NALCN: variants seen among roughly 807,000 people sequenced by gnomAD.
The protein encoded by NALCN is sodium leak channel, non-selective.
A neutral mutation model predicts 225.3 loss-of-function variants in NALCN; 111 were observed. That is an observed-to-expected ratio of 0.49 (90% CI 0.42 to 0.58). NALCN has a LOEUF of 0.58. Ranked by LOEUF, NALCN falls within the 20% of genes least tolerant of loss-of-function variation. The pLI, the probability that NALCN is intolerant of heterozygous loss-of-function variation, is 0.00. For missense variants in NALCN, 1,378 were observed against 2,202.4 expected (o/e 0.63, Z 7.49); for synonymous variants, 764 against 769.0 (o/e 0.99, Z 0.11).
At chr13:101,205,025 T>C (rs1040982599) in intron 13 of NALCN, among the ~76,000 whole-genome samples, 3 of 152,066 alleles carry the variant, frequency 2.0e-5, no homozygotes, top group South Asian at 2.1e-4. Flanking sequence ...AGGTAGCAAA[T>C]GGTGTTGCTC....
chr13:101,319,829 TA>T (rs34232450), intron 7 of NALCN, among the ~76,000 whole-genome samples: 62,019 of 151,992 alleles, frequency 0.41, 12,988 homozygotes, highest in Middle Eastern at 0.47. Flanking sequence ...TACTTTTATA[TA>T]AAGTTGATAA....
chr13:101,058,089 T>A, intron 42 of NALCN, 33 bp from the exon 43 acceptor site: 1 of 1,570,874 alleles, frequency 6.4e-7, no homozygotes, highest in Non-Finnish European at 8.7e-7. Context: ...AGTTACCGTC[T>A]TTTTAACCCT....
intron 14 of NALCN, among the ~76,000 whole-genome samples, chr13:101,185,955 CAT>C (rs1389674755): frequency 6.6e-6 from 1 of 152,110 alleles, no homozygotes; most frequent in African/African-American, 2.4e-5. Flanking sequence ...TAAAAGGAAA[CAT>C]ACAATTAAAC....
chr13:101,201,023 T>G (rs1269154507), intron 13 of NALCN, among the ~76,000 whole-genome samples: 1 of 152,194 alleles, frequency 6.6e-6, no homozygotes, highest in Non-Finnish European at 1.5e-5. Flanking sequence ...GTACCATCCC[T>G]TTGCTATATC....
At chr13:101,177,409 GTATATA>G (rs10624930) in intron 14 of NALCN, among the ~76,000 whole-genome samples, 9 of 124,364 alleles carry the variant, frequency 7.2e-5, no homozygotes, top group African/African-American at 1.1e-4. Context: ...GTAAATACGA[GTATATA>G]TATATATATA....
rs568326857 is a variant in NALCN, at chr13:101,296,619, C to T, written c.800-4253G>A. Among the ~76,000 whole-genome samples, 35 of 152,240 alleles carry T rather than the reference C, an allele frequency of 2.3e-4. 1 individual carries two copies. The South Asian group carries it at 3.5e-3, about 15-fold the overall frequency. ...TATAGAACTAAAATTTCTGGCTAAA[C>T]GACCATATTTTTGTTAAATGAAAAA... On this transcript the variant is annotated intron_variant, in intron 7 of 43. Coordinates refer to ENST00000251127, the MANE Select transcript of NALCN (RefSeq NM_052867.4).
At chr13:101,294,808 T>TA (rs2043682490) in intron 7 of NALCN, among the ~76,000 whole-genome samples, 1 of 152,170 alleles carries the variant, frequency 6.6e-6, no homozygotes, top group East Asian at 1.9e-4. Context: ...GAATTTACAA[T>TA]ATTGTGTGCA....
intron 18 of NALCN, among the ~76,000 whole-genome samples, chr13:101,115,406 G>A (rs2035659053): frequency 6.6e-6 from 1 of 152,168 alleles, no homozygotes; most frequent in African/African-American, 2.4e-5. Context: ...TTTAACTGGA[G>A]ATCAGATCTG....
Position 101,067,922 on chromosome 13 carries a change from CTT to C in NALCN, c.4440_4441del (p.Glu1482GlyfsTer31). On this transcript the variant is annotated frameshift_variant, in exon 39 of 44. Transcript: ENST00000251127. LOFTEE classifies it high-confidence loss of function. ...AACAACAACCCACTCCCATACCTCTCTTTTATCATCCACCATGTTCCATATTA... is the reference window on the plus strand; with the variant it reads ...AACAACAACCCACTCCCATACCTCTCTTATCATCCACCATGTTCCATATTA... 6.2e-7 allele frequency: 1 copy of C among 1,607,496 alleles called. No homozygotes were observed. Among genetic ancestry groups the C allele is most frequent in the Non-Finnish European group, 8.5e-7 (1 of 1,175,080 alleles).
Position 101,103,172 on chromosome 13 carries a change from CA to C in NALCN, c.3056del (p.Leu1019TrpfsTer7), listed in dbSNP as rs772394714. ...GAATCAAAGGATAATTCTCACATAC[CA>C]AAAAAATTTCCTTGAAGCCGCTGAA... ...ELFSGFKEIF[L>X]VSILLLTLML... is the part of the protein sequence containing the mutation. On this transcript the variant is annotated frameshift_variant and splice_region_variant, in exon 26 of 44. Coordinates refer to ENST00000251127, the MANE Select transcript of NALCN (RefSeq NM_052867.4). LOFTEE classifies it high-confidence loss of function. 1.2e-6 allele frequency: 2 copies of C among 1,611,432 alleles called. No homozygotes were observed. Among genetic ancestry groups the C allele is most frequent in the Admixed American group, 1.7e-5 (1 of 59,430 alleles).
intron 12 of NALCN, among the ~76,000 whole-genome samples, chr13:101,232,648 A>G (rs949755058): frequency 1.3e-5 from 2 of 151,756 alleles, no homozygotes; most frequent in Non-Finnish European, 2.9e-5. Context: ...GGGTTTCACC[A>G]TGTTAGCCAG....
At chr13:101,123,709 C>T (rs1264522316) in intron 18 of NALCN, among the ~76,000 whole-genome samples, 7 of 152,120 alleles carry the variant, frequency 4.6e-5, no homozygotes, top group Admixed American at 4.6e-4. Context: ...TTTTTTTGCA[C>T]ACAAATTTTA....
At chr13:101,305,968 T>G (rs1594642854) in intron 7 of NALCN, among the ~76,000 whole-genome samples, 1 of 152,114 alleles carries the variant, frequency 6.6e-6, no homozygotes, top group East Asian at 1.9e-4. Flanking sequence ...GAGGGGCTGG[T>G]GGAAATATTC....
intron 18 of NALCN, among the ~76,000 whole-genome samples, chr13:101,115,852 C>T (rs1354762984): frequency 6.6e-6 from 1 of 152,136 alleles, no homozygotes; most frequent in African/African-American, 2.4e-5. Flanking sequence ...ATGGCAAGTA[C>T]TAGAAGGCCA....
chr13:101,062,749 G>A (rs2032058068), intron 40 of NALCN, among the ~76,000 whole-genome samples: 1 of 152,120 alleles, frequency 6.6e-6, no homozygotes, highest in Non-Finnish European at 1.5e-5. Context: ...GATTACAGGT[G>A]TGTGCCACCA....
At chr13:101,322,754 C>T (rs779237814) in intron 7 of NALCN, among the ~76,000 whole-genome samples, 1 of 151,844 alleles carries the variant, frequency 6.6e-6, no homozygotes, top group Non-Finnish European at 1.5e-5. Flanking sequence ...ACTCTGTCGC[C>T]CAGGTTGAAA....
intron 6 of NALCN, among the ~76,000 whole-genome samples, chr13:101,347,762 T>C (rs2045786374): frequency 6.6e-6 from 1 of 152,084 alleles, no homozygotes; most frequent in Non-Finnish European, 1.5e-5. Context: ...GAGAGAGTAA[T>C]CATAATTAAA....
At chr13:101,236,510 A>T (rs954380695) in intron 12 of NALCN, among the ~76,000 whole-genome samples, 14 of 152,212 alleles carry the variant, frequency 9.2e-5, no homozygotes, top group African/African-American at 3.4e-4. Context: ...CTTGGAACCA[A>T]CCCAAATGTC....
intron 14 of NALCN, among the ~76,000 whole-genome samples, chr13:101,188,655 CGTGT>C (rs1279682696): frequency 2.1e-4 from 30 of 144,072 alleles, no homozygotes; most frequent in Admixed American, 8.9e-4. Flanking sequence ...CACACACACA[CGTGT>C]GTGTGTGTGT....
Sources: allele counts gnomAD v4.1 joint callset (sites outside exome capture counted in the v4.1 genomes callset), GRCh38; gene constraint gnomAD v4.1.1; transcripts MANE v1.5; gene names NCBI Gene and HGNC (gene_info 2026-07-23, HGNC 2026-07-21).